HMCN1: variants seen among roughly 807,000 people sequenced by gnomAD.
HMCN1 encodes the protein hemicentin 1, also known as hemicentin-1.
HMCN1 carries 321 observed loss-of-function variants against 625.9 expected under a neutral mutation model. The ratio of observed to expected loss-of-function variants is 0.51; its 90% CI spans 0.47 to 0.56. The LOEUF is 0.56. HMCN1 is among the 20% of genes least tolerant of loss of function. The pLI, the probability that HMCN1 is intolerant of heterozygous loss-of-function variation, is 0.00. For missense variants in HMCN1, 6,588 were observed against 6,887.3 expected (o/e 0.96, Z 1.54); for synonymous variants, 2,425 against 2,417.6 (o/e 1.00, Z -0.09).
chr1:185,968,592 A>G (rs978532302), intron 14 of HMCN1, among the ~76,000 whole-genome samples: 2 of 151,898 alleles, frequency 1.3e-5, no homozygotes, highest in African/African-American at 4.8e-5. Context: ...CATTTTTGAT[A>G]ACTACTTATC....
At chr1:186,080,451 T>C (rs1395836797) in intron 55 of HMCN1, among the ~76,000 whole-genome samples, 1 of 152,224 alleles carries the variant, frequency 6.6e-6, no homozygotes, top group African/African-American at 2.4e-5. Context: ...TTTTCATTTT[T>C]AAAATTCTAT....
Position 186,189,944 on chromosome 1 carries a change from A to G in HMCN1, c.*66A>G. 6.4e-7 allele frequency: 1 copy of G among 1,570,772 alleles called. No homozygotes were observed. The highest frequency in any genetic ancestry group is 8.7e-7 in the Non-Finnish European group (1 of 1,148,284). ...AATCATGGCAATCAAGCCCCCTTCC[A>G]GATTACTGTCTCTTGAACAGTTGCA... On this transcript the variant is annotated 3_prime_UTR_variant, in exon 107 of 107. Transcript: ENST00000271588.
intron 105 of HMCN1, among the ~76,000 whole-genome samples, chr1:186,184,182 G>A (rs1653130283): frequency 6.6e-6 from 1 of 152,142 alleles, no homozygotes. Flanking sequence ...TGAAATGTCT[G>A]CAATTTAAAT....
intron 5 of HMCN1, among the ~76,000 whole-genome samples, chr1:185,910,769 C>T (rs1007223954): frequency 6.6e-6 from 1 of 152,018 alleles, no homozygotes; most frequent in Non-Finnish European, 1.5e-5. Flanking sequence ...CAGGGTTTCA[C>T]CATGTTGGTC....
chr1:185,737,829 G>T (rs1377962390), intron 1 of HMCN1, among the ~76,000 whole-genome samples: 2 of 152,140 alleles, frequency 1.3e-5, no homozygotes, highest in East Asian at 3.8e-4. Context: ...GCAGATGATT[G>T]CTTTGGAGCC....
At chr1:185,873,892 T>G (rs528215366) in intron 4 of HMCN1, among the ~76,000 whole-genome samples, 2 of 152,102 alleles carry the variant, frequency 1.3e-5, no homozygotes, top group South Asian at 4.1e-4. Flanking sequence ...TCTAACTTAC[T>G]TTTCATAATT....
intron 3 of HMCN1, among the ~76,000 whole-genome samples, 155 bp from the exon 4 acceptor site, chr1:185,865,582 TACAC>T (rs56891910): frequency 0.17 from 23,341 of 134,978 alleles, 1,781 homozygotes; most frequent in Middle Eastern, 0.22. Context: ...TATATAAGCA[TACAC>T]ACACACACAC....
chr1:185,834,870 T>C (rs936736605), intron 1 of HMCN1, among the ~76,000 whole-genome samples: 2 of 152,054 alleles, frequency 1.3e-5, no homozygotes, highest in African/African-American at 2.4e-5. Flanking sequence ...CCAAAACAAA[T>C]TGAGACCCAA....
At chr1:185,800,676 C>A (rs1365387771) in intron 1 of HMCN1, among the ~76,000 whole-genome samples, 2 of 152,040 alleles carry the variant, frequency 1.3e-5, no homozygotes, top group Non-Finnish European at 2.9e-5. Context: ...TTAGATCTTT[C>A]ACTAAAAATG....
chr1:185,766,487 G>A (rs529336605), intron 1 of HMCN1, among the ~76,000 whole-genome samples: 7 of 152,148 alleles, frequency 4.6e-5, no homozygotes, highest in African/African-American at 1.7e-4. Context: ...AACTCTTCTG[G>A]CCGTCTCAGG....
At chr1:186,173,752 A>G (rs1447554411) in intron 102 of HMCN1, among the ~76,000 whole-genome samples, 4 of 152,092 alleles carry the variant, frequency 2.6e-5, no homozygotes, top group Admixed American at 6.6e-5. Flanking sequence ...CTAATTATGT[A>G]TAAGCTTAAC....
chr1:185,760,301 C>A (rs1655408867), intron 1 of HMCN1, among the ~76,000 whole-genome samples: 1 of 152,096 alleles, frequency 6.6e-6, no homozygotes, highest in Non-Finnish European at 1.5e-5. Context: ...CAACAGCTGA[C>A]CCAAGTCAAA....
At chr1:185,857,774 T>C (rs770239488) in intron 2 of HMCN1, among the ~76,000 whole-genome samples, 2 of 152,194 alleles carry the variant, frequency 1.3e-5, no homozygotes, top group Non-Finnish European at 2.9e-5. Flanking sequence ...TACTCACTAG[T>C]CATTTATCCA....
At position 185,897,601 on chromosome 1, in the gene HMCN1, G is replaced by A. The variant is rs541149950; in HGVS notation, c.622-11736G>A. Among the ~76,000 whole-genome samples, 49 of 152,206 alleles carry A rather than the reference G, an allele frequency of 3.2e-4. No individual in the cohort carries two copies. In the South Asian group the frequency reaches 8.5e-3, roughly 26 times the overall value. On this transcript the variant is annotated intron_variant, in intron 4 of 106. Transcript: ENST00000271588. ...CCAGATGTTCTCCCTCTGCTCATCC[G>A]TTTGCATCCTGCTCATCCTTCAATT... is the stretch of plus-strand genomic sequence containing the variant.
chr1:186,121,692 A>G (rs1347047171), intron 80 of HMCN1, among the ~76,000 whole-genome samples: 1 of 152,164 alleles, frequency 6.6e-6, no homozygotes, highest in Admixed American at 6.6e-5. Context: ...AGTTGAATAT[A>G]TATGAATTTG....
At position 185,734,664 on chromosome 1, in the gene HMCN1, A is replaced by G. The variant is rs903115037; in HGVS notation, c.-116A>G. On this transcript the variant is annotated 5_prime_UTR_variant, in exon 1 of 107. Transcript: ENST00000271588. ...TCAGCGCCAAACTTTTTGCTAGTTC[A>G]GAGATTCCAAGAGTCTGATGAGTTA... 26 of 1,036,432 alleles carry G rather than the reference A, an allele frequency of 2.5e-5. No individual in the cohort carries two copies. The highest frequency in any genetic ancestry group is 3.7e-5 in the Non-Finnish European group (25 of 673,950). The allele number at this position is 1,036,432 out of a possible 1,614,324, so 64.2% of individuals were successfully genotyped here. A position where few individuals can be genotyped will look rare whatever the true frequency, so the allele number is the denominator to read the frequency against.
chr1:186,120,426 T>C (rs1252598635), intron 80 of HMCN1, among the ~76,000 whole-genome samples: 1 of 152,252 alleles, frequency 6.6e-6, no homozygotes, highest in Admixed American at 6.5e-5. Flanking sequence ...ATATGTATGA[T>C]GTGATTGTTA....
rs113336220 is a variant in HMCN1 at position 186,165,850 on chromosome 1, G to T, written c.15320-334G>T. Among the ~76,000 whole-genome samples, 135 of 152,258 alleles carry T rather than the reference G, an allele frequency of 8.9e-4. 1 individual carries two copies. Among genetic ancestry groups the T allele is most frequent in the African/African-American group, 3.1e-3 (130 of 41,542 alleles). ...CCTCAGTTTTGTCCTGCAAAATAAG[G>T]ATAGTAATAAAAATACTTATCTCCT... On this transcript the variant is annotated intron_variant, in intron 98 of 106. Transcript: ENST00000271588.
At chr1:186,021,678 G>A (rs996963329) in intron 35 of HMCN1, among the ~76,000 whole-genome samples, 1 of 152,050 alleles carries the variant, frequency 6.6e-6, no homozygotes, top group Non-Finnish European at 1.5e-5. Context: ...ACATGGGAGA[G>A]TTTGGAGAGA....
Sources: gnomAD v4.1 joint callset for allele counts (sites outside exome capture counted in the v4.1 genomes callset) on GRCh38, gnomAD v4.1.1 for gene constraint, MANE v1.5 for transcripts, NCBI Gene and HGNC (gene_info 2026-07-23, HGNC 2026-07-21) for gene names.